Variants in NXPE2 observed in about 807,000 individuals in gnomAD.
NXPE2 encodes neurexophilin and PC-esterase domain family member 2, also known as NXPE family member 2.
Under a neutral mutation model 34.4 loss-of-function variants are expected in NXPE2, and 34 were observed. The observed-to-expected ratio is 0.99, with a 90% CI of 0.75 to 1.31. The LOEUF is 1.31. Among genes scored for constraint, NXPE2 ranks in the 40% most tolerant of loss-of-function variants. The probability of loss-of-function intolerance (pLI) is 0.00; values close to 1 mark genes in which losing one functional copy is unlikely to be tolerated. For synonymous variants in NXPE2, 235 were observed against 231.3 expected, an observed-to-expected ratio of 1.02 and a Z score of -0.15; for missense variants, 649 against 672.5, an observed-to-expected ratio of 0.97 and a Z score of 0.39.
chr11:114,556,184 T>C, the NXPE2 span, among the ~76,000 whole-genome samples: 1 of 152,206 alleles, frequency 6.6e-6, no homozygotes, highest in East Asian at 1.9e-4. Context: ...AGTTTATACC[T>C]CTCAGTTTGA....
chr11:114,760,078 C>A, the NXPE2 span, among the ~76,000 whole-genome samples: 1 of 152,048 alleles, frequency 6.6e-6, no homozygotes, highest in African/African-American at 2.4e-5. Context: ...CACTCATTAG[C>A]ATTGGGTGCT....
chr11:114,607,221 T>C, the NXPE2 span, among the ~76,000 whole-genome samples: 1 of 152,086 alleles, frequency 6.6e-6, no homozygotes, highest in African/African-American at 2.4e-5. Flanking sequence ...AAATGTTACC[T>C]CGTGTGTAAC....
the NXPE2 span, among the ~76,000 whole-genome samples, chr11:114,756,643 C>G: frequency 1.3e-5 from 2 of 151,406 alleles, no homozygotes; most frequent in African/African-American, 2.4e-5. Context: ...TTGTAGTGTC[C>G]CTCTCAGAAT....
the NXPE2 span, among the ~76,000 whole-genome samples, chr11:114,590,218 C>T: frequency 6.6e-6 from 1 of 152,184 alleles, no homozygotes; most frequent in Admixed American, 6.5e-5. Flanking sequence ...ACTGAGGAAA[C>T]CTCTTGGGAA....
At chr11:114,756,229 G>C in the NXPE2 span, among the ~76,000 whole-genome samples, 1 of 152,278 alleles carries the variant, frequency 6.6e-6, no homozygotes, top group Admixed American at 6.5e-5. Context: ...CACAGAAGGA[G>C]ACGATAGAAC....
chr11:114,602,413 A>G, the NXPE2 span, among the ~76,000 whole-genome samples: 1 of 132,454 alleles, frequency 7.5e-6, no homozygotes. Flanking sequence ...TACACTATTG[A>G]ACATATCAAT....
chr11:114,704,042 A>G lies in NXPE2; in HGVS notation c.918A>G (p.Ile306Met). 6.4e-7 allele frequency: 1 copy of G among 1,550,982 alleles called. No homozygotes were observed. Among genetic ancestry groups the G allele is most frequent in the Non-Finnish European group, 8.7e-7 (1 of 1,145,876 alleles). The change falls in exon 4 of 6, where the codon ATA becomes ATG. Residue 306 changes from isoleucine (I) to methionine (M), a missense_variant. Physicochemically the swap from Ile to Met is conservative, Grantham distance 10. Transcript: ENST00000389586. The part of the protein sequence containing the change: ...MMKNFTPIEV[I>M]PCNKSENIKK... ...AGAACTTTACCCCCATTGAGGTCAT[A>G]CCATGCAACAGTAAGTCTGGAGTGT...
chr11:114,679,323 G>A (rs1950906967), intron 1 of NXPE2, among the ~76,000 whole-genome samples: 1 of 149,504 alleles, frequency 6.7e-6, no homozygotes, highest in East Asian at 2.0e-4. Flanking sequence ...GGGGTGGGGT[G>A]GGGGTGGGGG....
intron 4 of NXPE2, among the ~76,000 whole-genome samples, chr11:114,704,515 A>G (rs1181409139): frequency 6.6e-6 from 1 of 152,224 alleles, no homozygotes; most frequent in East Asian, 1.9e-4. Flanking sequence ...GTTTAATCAT[A>G]TGAACTTTAG....
the NXPE2 span, among the ~76,000 whole-genome samples, chr11:114,733,629 G>C: frequency 1.3e-5 from 2 of 152,064 alleles, no homozygotes; most frequent in Non-Finnish European, 2.9e-5. Context: ...CCCAATACTT[G>C]TGTTCATAAT....
the NXPE2 span, among the ~76,000 whole-genome samples, chr11:114,556,762 A>AT: frequency 1.3e-5 from 2 of 151,734 alleles, no homozygotes; most frequent in South Asian, 2.1e-4. Flanking sequence ...CCACTCTGAC[A>AT]TTTTTTGCAG....
chr11:114,562,344 A>T, the NXPE2 span, among the ~76,000 whole-genome samples: 3 of 152,294 alleles, frequency 2.0e-5, no homozygotes, highest in Middle Eastern at 6.8e-3. Flanking sequence ...CTTGGGGATT[A>T]TGCACAGCAC....
the NXPE2 span, among the ~76,000 whole-genome samples, chr11:114,642,056 T>C: frequency 6.6e-6 from 1 of 152,032 alleles, no homozygotes; most frequent in South Asian, 2.1e-4. Flanking sequence ...TTCCAAAGAA[T>C]ACAGCATGGA....
the NXPE2 span, among the ~76,000 whole-genome samples, chr11:114,565,935 T>TA: frequency 4.8e-3 from 722 of 150,954 alleles, 5 homozygotes; most frequent in African/African-American, 0.017. Context: ...ACATATATTG[T>TA]AAAAAAAAAT....
the NXPE2 span, among the ~76,000 whole-genome samples, chr11:114,664,286 G>T: frequency 6.6e-6 from 1 of 152,092 alleles, no homozygotes; most frequent in Non-Finnish European, 1.5e-5. Context: ...TCTGGAAAAG[G>T]CAAAACCATC....
the NXPE2 span, among the ~76,000 whole-genome samples, chr11:114,579,788 A>C: frequency 6.6e-6 from 1 of 152,224 alleles, no homozygotes; most frequent in Non-Finnish European, 1.5e-5. Context: ...CTGGTTCTAG[A>C]ATCATACCCT....
chr11:114,600,933 C>A, the NXPE2 span, among the ~76,000 whole-genome samples: 1 of 151,910 alleles, frequency 6.6e-6, no homozygotes, highest in South Asian at 2.1e-4. Context: ...ATATAGTTCT[C>A]CATGAAATGA....
At chr11:114,649,007 A>C in the NXPE2 span, among the ~76,000 whole-genome samples, 4 of 152,326 alleles carry the variant, frequency 2.6e-5, no homozygotes, top group African/African-American at 4.8e-5. Flanking sequence ...CAAAAATAAT[A>C]AGGAAATACT....
chr11:114,653,756 C>G, the NXPE2 span, among the ~76,000 whole-genome samples: 1 of 151,998 alleles, frequency 6.6e-6, no homozygotes, highest in Non-Finnish European at 1.5e-5. Context: ...TCTTGATCTC[C>G]TGACCTCGTG....
Sources: gnomAD v4.1 joint callset for allele counts (sites outside exome capture counted in the v4.1 genomes callset) on GRCh38, gnomAD v4.1.1 for gene constraint, MANE v1.5 for transcripts, NCBI Gene and HGNC (gene_info 2026-07-23, HGNC 2026-07-21) for gene names.